Variants in RSRC1 observed in about 807,000 individuals in gnomAD.
The protein encoded by RSRC1 is arginine and serine rich coiled-coil 1, also known as serine/Arginine-related protein 53.
A neutral mutation model predicts 49.1 loss-of-function variants in RSRC1; 39 were observed. The ratio of observed to expected loss-of-function variants is 0.79; its 90% confidence interval spans 0.61 to 1.04. RSRC1 has a LOEUF of 1.04. Ranked by LOEUF, RSRC1 falls within the 50% of genes least tolerant of loss-of-function variation. The pLI is 0.00. For missense variants in RSRC1, 388 were observed against 402.4 expected, an observed-to-expected ratio of 0.96 and a Z score of 0.31; for synonymous variants, 143 against 130.8, an observed-to-expected ratio of 1.09 and a Z score of -0.63.
At chr3:158,504,107 G>A (rs1578553555) in intron 7 of RSRC1, among the ~76,000 whole-genome samples, 2 of 152,158 alleles carry the variant, frequency 1.3e-5, no homozygotes, top group Admixed American at 6.5e-5. Context: ...TCAGCTCCAG[G>A]TGAGGTCAGA....
chr3:158,300,134 G>A (rs1291126913), intron 5 of RSRC1, among the ~76,000 whole-genome samples: 4 of 152,108 alleles, frequency 2.6e-5, no homozygotes, highest in East Asian at 1.9e-4. Flanking sequence ...TCAAAGATAA[G>A]CATTTTGGGA....
At chr3:158,261,627 C>T (rs1036944727) in intron 4 of RSRC1, among the ~76,000 whole-genome samples, 1 of 152,190 alleles carries the variant, frequency 6.6e-6, no homozygotes, top group Admixed American at 6.5e-5. Flanking sequence ...AGCCACTCAC[C>T]ATCGCTTGCA....
At chr3:158,208,935 C>A (rs1721503615) in intron 4 of RSRC1, among the ~76,000 whole-genome samples, 1 of 152,062 alleles carries the variant, frequency 6.6e-6, no homozygotes, top group Non-Finnish European at 1.5e-5. Context: ...TTGATCCAAA[C>A]TGCCTAACAT....
At chr3:158,306,473 A>G (rs1034713325) in intron 5 of RSRC1, among the ~76,000 whole-genome samples, 5 of 151,916 alleles carry the variant, frequency 3.3e-5, no homozygotes, top group African/African-American at 9.7e-5. Context: ...TTTGAGGAGC[A>G]CGTAATTTGT....
intron 6 of RSRC1, among the ~76,000 whole-genome samples, chr3:158,455,593 C>T (rs1737266688): frequency 6.6e-6 from 1 of 152,040 alleles, no homozygotes; most frequent in Non-Finnish European, 1.5e-5. Context: ...CCTGATTAGC[C>T]CCTTGTCACC....
At chr3:158,173,266 A>T (rs1718989043) in intron 3 of RSRC1, among the ~76,000 whole-genome samples, 1 of 151,882 alleles carries the variant, frequency 6.6e-6, no homozygotes, top group African/African-American at 2.4e-5. Flanking sequence ...GAGCAGGCAG[A>T]CCATTTGCTC....
At chr3:158,111,618 T>C (rs1032129036) in intron 1 of RSRC1, among the ~76,000 whole-genome samples, 7 of 152,248 alleles carry the variant, frequency 4.6e-5, no homozygotes, top group African/African-American at 1.4e-4. Flanking sequence ...TGTACTTGTT[T>C]ATGGATTTCT....
intron 6 of RSRC1, among the ~76,000 whole-genome samples, chr3:158,398,872 G>C (rs961902513): frequency 1.3e-5 from 2 of 152,076 alleles, no homozygotes; most frequent in African/African-American, 4.8e-5. Context: ...GACAGAGAAG[G>C]AGTCTGTGGT....
At chr3:158,286,757 A>G (rs1726587754) in intron 4 of RSRC1, among the ~76,000 whole-genome samples, 1 of 152,232 alleles carries the variant, frequency 6.6e-6, no homozygotes, top group Admixed American at 6.5e-5. Context: ...AGGAAGAGAA[A>G]ATAATAAAAA....
chr3:158,123,355 G>A (rs137868193), intron 2 of RSRC1, among the ~76,000 whole-genome samples: 8 of 152,108 alleles, frequency 5.3e-5, no homozygotes, highest in East Asian at 1.9e-4. Flanking sequence ...TCACTCAGGC[G>A]GGAGTGCAGC....
intron 3 of RSRC1, among the ~76,000 whole-genome samples, chr3:158,158,568 G>T (rs753093548): frequency 7.9e-5 from 12 of 152,234 alleles, no homozygotes; most frequent in South Asian, 2.1e-4. Context: ...TCACTATGGG[G>T]TAGCAAAACT....
chr3:158,277,634 G>A (rs1474347111), intron 4 of RSRC1, among the ~76,000 whole-genome samples: 2 of 152,176 alleles, frequency 1.3e-5, no homozygotes, highest in African/African-American at 2.4e-5. Context: ...AACTTTGACA[G>A]CATGGGAAGT....
At chr3:158,471,831 A>G (rs1414389374) in intron 7 of RSRC1, among the ~76,000 whole-genome samples, 2 of 152,156 alleles carry the variant, frequency 1.3e-5, no homozygotes, top group East Asian at 1.9e-4. Flanking sequence ...ACCAACGTAG[A>G]CATTATTGCT....
At chr3:158,527,166 G>A (rs1712094160) in intron 7 of RSRC1, among the ~76,000 whole-genome samples, 1 of 149,868 alleles carries the variant, frequency 6.7e-6, no homozygotes, top group African/African-American at 2.5e-5. Flanking sequence ...TGGTGTTAGG[G>A]GTAGGTTGCA....
chr3:158,282,229 A>G (rs1311949144), intron 4 of RSRC1, among the ~76,000 whole-genome samples: 1 of 152,228 alleles, frequency 6.6e-6, no homozygotes, highest in Admixed American at 6.5e-5. Context: ...GTGCCAGACT[A>G]TTGGGAGTTT....
chr3:158,216,168 A>G (rs1377708098), intron 4 of RSRC1, among the ~76,000 whole-genome samples: 1 of 151,572 alleles, frequency 6.6e-6, no homozygotes, highest in East Asian at 1.9e-4. Flanking sequence ...TAATAGTTCC[A>G]TAATATAAAG....
At chr3:158,212,724 A>C (rs938643347) in intron 4 of RSRC1, among the ~76,000 whole-genome samples, 11 of 151,940 alleles carry the variant, frequency 7.2e-5, no homozygotes. Context: ...CACTACTGTT[A>C]GAGGAACGTA....
chr3:158,221,532 C>G (rs1722220644), intron 4 of RSRC1, among the ~76,000 whole-genome samples: 1 of 151,406 alleles, frequency 6.6e-6, no homozygotes, highest in African/African-American at 2.4e-5. Context: ...CTTGTTGAAA[C>G]CAATATTCTA....
intron 3 of RSRC1, among the ~76,000 whole-genome samples, chr3:158,192,760 A>G (rs114570577): frequency 3.5e-4 from 53 of 152,138 alleles, no homozygotes; most frequent in South Asian, 8.3e-4. Flanking sequence ...GATAGGTGAT[A>G]TGGTCTTCCT....
Sources: allele counts gnomAD v4.1 joint callset (sites outside exome capture counted in the v4.1 genomes callset), GRCh38; gene constraint gnomAD v4.1.1; transcripts MANE v1.5; gene names NCBI Gene and HGNC (gene_info 2026-07-23, HGNC 2026-07-21).